The following ADCY6 variants were observed in gnomAD, a reference collection of about 807,000 sequenced individuals.
The protein encoded by ADCY6 is adenylate cyclase type 6.
Under a neutral mutation model 111.6 loss-of-function variants are expected in ADCY6, and 59 were observed. The observed-to-expected ratio is 0.53, with a 90% CI of 0.43 to 0.66. ADCY6 has a LOEUF of 0.66. Ranked by LOEUF, ADCY6 falls within the 30% of genes least tolerant of loss-of-function variation. The probability of loss-of-function intolerance (pLI) is 0.00; values close to 1 mark genes in which losing one functional copy is unlikely to be tolerated. For synonymous variants in ADCY6, 576 were observed against 642.9 expected (o/e 0.90, Z 1.57); for missense variants, 1,242 against 1,595.6 (o/e 0.78, Z 3.78).
intron 20 of ADCY6, 94 bp from the exon 21 acceptor site, chr12:48,769,155 A>G (rs562087794): frequency 3.1e-6 from 4 of 1,306,338 alleles, no homozygotes; most frequent in East Asian, 2.6e-5. Flanking sequence ...GGACCCAGAG[A>G]AAAAAATGGA....
In ADCY6 at chr12:48,770,914, G is replaced by C. The variant is rs765938538; in HGVS notation, c.3108C>G (p.Thr1036=). 3 of 1,614,230 alleles carry C rather than the reference G, an allele frequency of 1.9e-6. No homozygotes were observed. In the Admixed American group the frequency reaches 5.0e-5, roughly 27 times the overall value. ...QLEKIKTIGS[T]YMAASGLNAS... ...CGTTCAGCCCTGAGGCAGCCATGTAGGTGCTACCAATCGTCTTGATCTTTT... is the reference window on the plus strand; with the variant it reads ...CGTTCAGCCCTGAGGCAGCCATGTACGTGCTACCAATCGTCTTGATCTTTT... The change falls in exon 20 of 22, where the codon ACC becomes ACG. Residue 1036 remains threonine, a synonymous_variant. Coordinates refer to ENST00000357869, the MANE Select transcript of ADCY6 (RefSeq NM_015270.5).
In ADCY6 at chr12:48,775,425, G is replaced by C. The variant is rs1356560056; in HGVS notation, c.1858C>G (p.Pro620Ala). The part of the protein sequence containing the change: ...DNRGTQDALN[P>A]EDEVDEFLSR... ...AGGAACTCATCCACCTCATCCTCAG[G>C]GTTCAGGGCATCTTGGGTGCCCCGG... The change falls in exon 11 of 22, where the codon CCT becomes GCT. Residue 620 changes from proline (P) to alanine (A), a missense_variant. Pro to Ala is a conservative substitution (Grantham distance 27). Around this residue, in one of 4 missense-constraint regions of ADCY6, gnomAD observed 375 missense variants for 432.5 expected, o/e 0.87. Coordinates refer to ENST00000357869, the MANE Select transcript of ADCY6 (RefSeq NM_015270.5). 6.2e-7 allele frequency: 1 copy of C among 1,614,032 alleles called. No individual in the cohort carries two copies. The highest frequency in any genetic ancestry group is 1.3e-5 in the African/African-American group (1 of 74,906).
intron 21 of ADCY6, 110 bp downstream of exon 21, chr12:48,768,827 C>T: frequency 1.3e-6 from 2 of 1,553,472 alleles, no homozygotes; most frequent in East Asian, 2.3e-5. Context: ...CCCTGCCCCA[C>T]CATACACAGA....
At position 48,775,053 on chromosome 12, in the gene ADCY6, T is replaced by G; in HGVS notation, c.1982A>C (p.Tyr661Ser). The change falls in exon 12 of 22, where the codon TAC (tyrosine) becomes TCC (serine). Residue 661 changes from tyrosine (Y) to serine (S), a missense_variant and splice_region_variant. Physicochemically the swap from Tyr to Ser is moderately radical, Grantham distance 144. Transcript: ENST00000357869. ...GAAGCGGGGATCCACCTTCCGGGAGTACTGAGGGAGAGGAGGCTGAGCTGA... is the reference window on the plus strand; with the variant it reads ...GAAGCGGGGATCCACCTTCCGGGAGGACTGAGGGAGAGGAGGCTGAGCTGA... The part of the protein sequence containing the change: ...TFQREDLEKK[Y>S]SRKVDPRFGA... The G allele has an allele frequency of 6.4e-7, 1 of 1,553,296 alleles. No homozygotes were observed. Among genetic ancestry groups the G allele is most frequent in the Non-Finnish European group, 8.7e-7 (1 of 1,148,006 alleles).
Position 48,771,733 on chromosome 12 carries a change from C to T in ADCY6, c.3028G>A (p.Glu1010Lys), listed in dbSNP as rs1227104562. Residue 1010 changes from glutamate (E) to lysine (K), a missense_variant, in exon 19 of 22, where the codon GAG becomes AAG. Around this residue, in one of 4 missense-constraint regions of ADCY6, gnomAD observed 245 missense variants for 371.3 expected, o/e 0.66. Transcript: ENST00000357869. This position sits in a 1 kb window ranked among gnomAD's most constrained non-coding sequence, Gnocchi z 4.3. ...ACCTCATCAAAGTCAGCGATGATCT[C>T]GTTGAGCAGCCGCAGGCACTCGACA... The part of the protein sequence containing the change: ...EGVECLRLLN[E>K]IIADFDEIIS... 2.5e-6 allele frequency: 4 copies of T among 1,614,040 alleles called. No homozygotes were observed. The highest frequency in any genetic ancestry group is 1.1e-5 in the South Asian group (1 of 91,080).
rs984531709 is a variant in ADCY6 at position 48,776,009 on chromosome 12, T to G, written c.1760A>C (p.Asp587Ala). 6 of 1,612,406 alleles carry G rather than the reference T, an allele frequency of 3.7e-6. No homozygotes were observed. In the South Asian group the frequency reaches 6.6e-5, roughly 18 times the overall value. Residue 587 changes from aspartate (D) to alanine (A), a missense_variant, in exon 9 of 22, where the codon GAT becomes GCT. Coordinates refer to ENST00000357869, the MANE Select transcript of ADCY6 (RefSeq NM_015270.5). The surrounding 1 kb of genome is among the most constrained non-coding windows in gnomAD (Gnocchi z 6.1). ...MEGLMPRWVP[D>A]RAFSRTKDSK... ...GTCCTTGGTCCGGGAGAAGGCACGA[T>G]CAGGAACCCAGCGCGGCATCAGCCC...
At chr12:48,787,466 T>C (rs1231716918) in intron 1 of ADCY6, among the ~76,000 whole-genome samples, 2 of 152,010 alleles carry the variant, frequency 1.3e-5, no homozygotes, top group Non-Finnish European at 2.9e-5. Flanking sequence ...ACTGCAACCA[T>C]CCCACCCTGG....
intron 1 of ADCY6, chr12:48,784,188 G>A (rs2137392508): frequency 6.9e-6 from 1 of 145,330 alleles, no homozygotes; most frequent in South Asian, 2.3e-4. Context: ...AGGCTGCAGT[G>A]AGCCAGGATT....
intron 11 of ADCY6, 98 bp downstream of exon 11, chr12:48,775,205 T>A: frequency 6.5e-7 from 1 of 1,545,776 alleles, no homozygotes; most frequent in Non-Finnish European, 8.8e-7. Context: ...CCCTTCTCCA[T>A]CCCCCAGAAA....
chr12:48,780,766 GCCCTGGTTGAGAGCCA>G (rs1941820613), intron 2 of ADCY6, among the ~76,000 whole-genome samples: 1 of 152,232 alleles, frequency 6.6e-6, no homozygotes, highest in Non-Finnish European at 1.5e-5. Flanking sequence ...CAGCCATAAA[GCCCTGGTTGAGAGCCA>G]CCCTGGAAGA....
At position 48,782,634 on chromosome 12, in the gene ADCY6, G is replaced by A. The variant is rs1174068155; in HGVS notation, c.801C>T (p.Leu267=). 2 of 1,609,860 alleles carry A rather than the reference G, an allele frequency of 1.2e-6. No individual in the cohort carries two copies. Among genetic ancestry groups the A allele is most frequent in the Non-Finnish European group, 8.5e-7 (1 of 1,177,860 alleles). Residue 267 remains leucine, a synonymous_variant, in exon 2 of 22, where the codon CTC becomes CTT. Transcript: ENST00000357869. The surrounding 1 kb of genome is among the most constrained non-coding windows in gnomAD (Gnocchi z 4.3). ...MRAAVLSGLG[L]STLHLILAWQ... ...AGGCCAAGATCAAATGCAAGGTGGA[G>A]AGGCCCAGGCCGCTGAGGACGGCAG...
rs1941605661 is a variant in ADCY6 at position 48,773,492 on chromosome 12, G to A, written c.2598C>T (p.Asp866=). Residue 866 remains aspartate, a synonymous_variant, in exon 16 of 22, where the codon GAC becomes GAT. Coordinates refer to ENST00000357869, the MANE Select transcript of ADCY6 (RefSeq NM_015270.5). ...ACAAGCCATGGACGCCAAGCAGTAG[G>A]TCATAGTTGTCAAAGATGGTGGCTG... ...GPPATIFDNY[D]LLLGVHGLAS... is the part of the protein sequence containing the mutation. 3 of 1,613,936 alleles carry A rather than the reference G, an allele frequency of 1.9e-6. No homozygotes were observed. The African/African-American group carries it at 4.0e-5, about 22-fold the overall frequency.
chr12:48,774,125 G>C (rs759545988), intron 14 of ADCY6, 27 bp from the exon 15 acceptor site: 1 of 1,591,472 alleles, frequency 6.3e-7, no homozygotes, highest in South Asian at 1.1e-5. Context: ...GTATATCAGG[G>C]TAACCAAGGA....
intron 2 of ADCY6, among the ~76,000 whole-genome samples, chr12:48,780,722 A>G (rs989606954): frequency 6.6e-6 from 1 of 152,146 alleles, no homozygotes; most frequent in Non-Finnish European, 1.5e-5. Context: ...GAAAGGAGAC[A>G]CCACCTCTAA....
rs1565651766 is a variant in ADCY6 at position 48,783,244 on chromosome 12, G to A, written c.191C>T (p.Pro64Leu). 5 of 1,609,678 alleles carry A rather than the reference G, an allele frequency of 3.1e-6. No individual in the cohort carries two copies. The highest frequency in any genetic ancestry group is 4.2e-6 in the Non-Finnish European group (5 of 1,179,350). Reference protein sequence around the residue: ...SPTPAGPPRCPWQDDAFIRRG... With the variant: ...SPTPAGPPRCLWQDDAFIRRG... ...CCGGATGAAGGCGTCATCCTGCCAG[G>A]GGCACCGAGGGGGGCCCGCAGGGGT... is the stretch of plus-strand genomic sequence containing the variant. Residue 64 changes from proline (P) to leucine (L), a missense_variant, in exon 2 of 22, where the codon CCC becomes CTC. Pro to Leu is a moderately conservative substitution (Grantham distance 98, BLOSUM62 -3). This residue lies in a region of ADCY6 where 362 missense variants were observed against 377.2 expected (regional missense o/e 0.96). Transcript: ENST00000357869.
Position 48,778,167 on chromosome 12 carries a change from G to A in ADCY6, c.955C>T (p.Gln319Ter). Residue 319 changes from glutamine to a stop codon, truncating the protein, a stop_gained, in exon 3 of 22, where the codon CAG (glutamine) becomes TAG (stop). Coordinates refer to ENST00000357869, the MANE Select transcript of ADCY6 (RefSeq NM_015270.5). LOFTEE classifies it high-confidence loss of function. ...GCCTGGATGTAACCGCGGGTCTCCT[G>A]AAAGGCCTGGCGCTGAGACACCTCT... ...PAEVSQRQAFQETRGYIQARL... is the reference protein window; with the variant it reads ...PAEVSQRQAF 1 of 1,614,084 alleles carries A rather than the reference G, an allele frequency of 6.2e-7. No individual in the cohort carries two copies. The highest frequency in any genetic ancestry group is 8.5e-7 in the Non-Finnish European group (1 of 1,180,004).
At chr12:48,789,367 A>C (rs1270301769), upstream of ADCY6, 1 of 152,112 alleles carries the variant, frequency 6.6e-6, no homozygotes, top group East Asian at 2.0e-4. Flanking sequence ...GGGACCTCGC[A>C]GCCCGGTCCC....
At chr12:48,778,884 T>TA in intron 2 of ADCY6, among the ~76,000 whole-genome samples, 1 of 129,914 alleles carries the variant, frequency 7.7e-6, no homozygotes, top group East Asian at 2.3e-4. Flanking sequence ...TTTTTTTTTT[T>TA]TTTTTTTTTT....
intron 16 of ADCY6, 84 bp from the exon 17 acceptor site, chr12:48,772,627 A>G (rs1372724489): frequency 2.7e-6 from 4 of 1,498,816 alleles, no homozygotes; most frequent in Non-Finnish European, 3.7e-6. Context: ...AAGAGACTGC[A>G]TTTACTGAGC....
Sources: allele counts gnomAD v4.1 joint callset (sites outside exome capture counted in the v4.1 genomes callset), GRCh38; gene constraint gnomAD v4.1.1; regional missense constraint gnomAD v4.1.1; non-coding constraint Gnocchi (gnomAD v3.1); transcripts MANE v1.5; gene names NCBI Gene and HGNC (gene_info 2026-07-23, HGNC 2026-07-21).